LARGE1: variants seen among roughly 807,000 people sequenced by gnomAD.
The protein encoded by LARGE1 is LARGE xylosyl- and glucuronyltransferase 1.
Under a neutral mutation model 87.6 loss-of-function variants are expected in LARGE1, and 43 were observed. That is an observed-to-expected ratio of 0.49 (90% CI 0.38 to 0.63). LARGE1 has a LOEUF of 0.63. LARGE1 is among the 30% of genes least tolerant of loss of function. The pLI is 0.00. For synonymous variants in LARGE1, 434 were observed against 394.6 expected (o/e 1.10, Z -1.18); for missense variants, 802 against 1,000.2 (o/e 0.80, Z 2.67).
chr22:33,808,142 G>GC (rs1288452001), intron 1 of LARGE1, among the ~76,000 whole-genome samples: 1 of 152,188 alleles, frequency 6.6e-6, no homozygotes, highest in Non-Finnish European at 1.5e-5. Flanking sequence ...AGTTCCTGTT[G>GC]CTCCACATCC....
At position 33,593,066 on chromosome 22, in the gene LARGE1, C is replaced by G. The variant is rs2078887171; in HGVS notation, c.615+11369G>C. On this transcript the variant is annotated intron_variant, in intron 5 of 14. Coordinates refer to ENST00000397394, the MANE Select transcript of LARGE1 (RefSeq NM_133642.5). ...GTGTTAGCCAGGATGGTCTCAATCT[C>G]TTGACCTTGTGATCCGCCCACCTCG... Among the ~76,000 whole-genome samples, 4 of 152,238 alleles carry G rather than the reference C, an allele frequency of 2.6e-5. No individual in the cohort carries two copies. In the South Asian group the frequency reaches 8.3e-4, roughly 32 times the overall value.
At chr22:33,107,137 T>G in the LARGE1 span, among the ~76,000 whole-genome samples, 1 of 152,154 alleles carries the variant, frequency 6.6e-6, no homozygotes, top group Non-Finnish European at 1.5e-5. Flanking sequence ...TCAATGATAC[T>G]CTCTCTCTCA....
chr22:33,243,282 C>T (rs1926605361), intron 11 of LARGE1, among the ~76,000 whole-genome samples: 1 of 152,198 alleles, frequency 6.6e-6, no homozygotes, highest in South Asian at 2.1e-4. Flanking sequence ...TTTAAGTGTA[C>T]AGTTTGATGC....
intron 6 of LARGE1, among the ~76,000 whole-genome samples, chr22:33,559,198 T>C (rs761528067): frequency 5.3e-5 from 8 of 152,222 alleles, no homozygotes; most frequent in Non-Finnish European, 1.0e-4. Context: ...ACCTTTTTTT[T>C]GAGACGCAGT....
At position 33,273,515 on chromosome 22, in the gene LARGE1, A is replaced by G. The variant is rs1602185028; in HGVS notation, c.*912T>C. On this transcript the variant is annotated 3_prime_UTR_variant, in exon 15 of 15. Coordinates refer to ENST00000397394, the MANE Select transcript of LARGE1 (RefSeq NM_133642.5). ...CAAAGCCCTTTCCCATGAATCAGTC[A>G]CTGCCAATAGAAAATGTGACCGGTG... 1 of 398,664 alleles carries G rather than the reference A, an allele frequency of 2.5e-6. No homozygotes were observed. Among genetic ancestry groups the G allele is most frequent in the South Asian group, 1.3e-4 (1 of 7,866 alleles). 24.7% of individuals were successfully genotyped at this position (398,664 alleles called of 1,614,324 possible).
chr22:33,089,335 T>C, the LARGE1 span, among the ~76,000 whole-genome samples: 2 of 75,366 alleles, frequency 2.7e-5, no homozygotes, highest in East Asian at 8.5e-4. Flanking sequence ...TTCTTCTTCT[T>C]CTTCTTCTTC....
At chr22:33,275,710 A>G (rs1929128531) in intron 14 of LARGE1, among the ~76,000 whole-genome samples, 1 of 152,210 alleles carries the variant, frequency 6.6e-6, no homozygotes, top group South Asian at 2.1e-4. Flanking sequence ...TGCTATTCGC[A>G]AAGAAAAAAA....
intron 3 of LARGE1, among the ~76,000 whole-genome samples, chr22:33,647,605 G>A (rs1270250864): frequency 6.6e-6 from 1 of 152,174 alleles, no homozygotes; most frequent in Non-Finnish European, 1.5e-5. Flanking sequence ...TAAACACAAT[G>A]AGAAACAAGA....
At chr22:33,800,270 A>T (rs556068844) in intron 1 of LARGE1, among the ~76,000 whole-genome samples, 1 of 152,348 alleles carries the variant, frequency 6.6e-6, no homozygotes, top group East Asian at 1.9e-4. Flanking sequence ...AAAATAGTAC[A>T]GAGAGGTCCT....
At chr22:33,447,817 G>A (rs2067746091) in intron 6 of LARGE1, among the ~76,000 whole-genome samples, 1 of 152,106 alleles carries the variant, frequency 6.6e-6, no homozygotes, top group Non-Finnish European at 1.5e-5. Context: ...GTGGAAGGAG[G>A]AAGGGCTCAG....
intron 6 of LARGE1, among the ~76,000 whole-genome samples, chr22:33,503,463 A>G (rs2070604840): frequency 6.6e-6 from 1 of 151,980 alleles, no homozygotes; most frequent in African/African-American, 2.4e-5. Flanking sequence ...ATTCCGTTCT[A>G]GGTACATATG....
intron 6 of LARGE1, among the ~76,000 whole-genome samples, chr22:33,556,512 A>G (rs1231940474): frequency 3.8e-5 from 4 of 104,170 alleles, no homozygotes; most frequent in African/African-American, 1.6e-4. Flanking sequence ...GGAAAGAAGG[A>G]AGGAAGGGAG....
intron 6 of LARGE1, among the ~76,000 whole-genome samples, chr22:33,555,027 G>A (rs1029392210): frequency 6.6e-6 from 1 of 152,160 alleles, no homozygotes; most frequent in African/African-American, 2.4e-5. Flanking sequence ...AACCTGGACT[G>A]AAAATATTTG....
rs142438768 is a variant in LARGE1, at chr22:33,472,027, G to C, written c.788-39762C>G. 2.9e-3 allele frequency among the ~76,000 whole-genome samples: 449 copies of C among 152,262 alleles called. 2 individuals are homozygous for C. Among genetic ancestry groups the C allele is most frequent in the African/African-American group, 0.01 (421 of 41,544 alleles). On this transcript the variant is annotated intron_variant, in intron 6 of 14. Transcript: ENST00000397394. ...ATCACACCACTGCACTCCAGCCTGG[G>C]TGACACAGTGAGACTCTGACTCAAA...
chr22:33,147,078 T>C, the LARGE1 span, among the ~76,000 whole-genome samples: 1 of 152,232 alleles, frequency 6.6e-6, no homozygotes. Context: ...GACAGTAGTG[T>C]AGTATTTCAT....
chr22:33,897,953 G>A (rs1293073320), intron 1 of LARGE1, among the ~76,000 whole-genome samples: 1 of 151,940 alleles, frequency 6.6e-6, no homozygotes, highest in Non-Finnish European at 1.5e-5. Flanking sequence ...TGCTTGGGAG[G>A]GTAGCTGTTT....
intron 11 of LARGE1, among the ~76,000 whole-genome samples, chr22:33,243,897 G>A (rs181914922): frequency 6.6e-6 from 1 of 152,296 alleles, no homozygotes; most frequent in African/African-American, 2.4e-5. Flanking sequence ...TAAAAGTCCT[G>A]AAACCCACTC....
At chr22:33,375,009 A>C (rs1298357869) in intron 9 of LARGE1, among the ~76,000 whole-genome samples, 2 of 152,184 alleles carry the variant, frequency 1.3e-5, no homozygotes, top group African/African-American at 2.4e-5. Flanking sequence ...GTTAATAAAA[A>C]CTTTAAGATC....
chr22:33,755,384 C>G (rs2084473050), intron 2 of LARGE1, among the ~76,000 whole-genome samples: 1 of 152,108 alleles, frequency 6.6e-6, no homozygotes, highest in African/African-American at 2.4e-5. Context: ...CAATGGGAAA[C>G]CTTTGCACCG....
Sources: allele counts gnomAD v4.1 joint callset (sites outside exome capture counted in the v4.1 genomes callset), GRCh38; gene constraint gnomAD v4.1.1; transcripts MANE v1.5; gene names NCBI Gene and HGNC (gene_info 2026-07-23, HGNC 2026-07-21).